CMYA5: variants seen among roughly 807,000 people sequenced by gnomAD.
The protein encoded by CMYA5 is cardiomyopathy-associated protein 5.
CMYA5 carries 246 observed loss-of-function variants against 318.9 expected under a neutral mutation model. The ratio of observed to expected loss-of-function variants is 0.77; its 90% CI spans 0.70 to 0.86. The LOEUF is 0.86. CMYA5 is among the 40% of genes least tolerant of loss of function. The pLI is 0.00. For missense variants in CMYA5, 4,589 were observed against 4,678.2 expected (o/e 0.98, Z 0.56); for synonymous variants, 1,641 against 1,729.5 (o/e 0.95, Z 1.27).
chr5:79,799,321 T>C, intron 12 of CMYA5, 49 bp from the exon 13 acceptor site: 2 of 1,550,758 alleles, frequency 1.3e-6, no homozygotes, highest in Non-Finnish European at 1.7e-6. Flanking sequence ...CCTTTTCAAA[T>C]TCCTTGAGAT....
chr5:79,719,776 T>C (rs1333653660), intron 1 of CMYA5, among the ~76,000 whole-genome samples: 1 of 152,266 alleles, frequency 6.6e-6, no homozygotes, highest in East Asian at 1.9e-4. Context: ...AGGGCATAGC[T>C]GGACTACTAT....
At chr5:79,728,330 T>C (rs565411048) in intron 1 of CMYA5, among the ~76,000 whole-genome samples, 7 of 138,142 alleles carry the variant, frequency 5.1e-5, no homozygotes, top group Admixed American at 2.7e-4. Flanking sequence ...TTTTTTTTTT[T>C]TTCTTCTGTG....
intron 1 of CMYA5, among the ~76,000 whole-genome samples, chr5:79,728,652 G>T (rs1468245167): frequency 6.6e-6 from 1 of 152,130 alleles, no homozygotes; most frequent in East Asian, 1.9e-4. Context: ...ATGAGAGAAG[G>T]TGGTAAATTT....
intron 5 of CMYA5, among the ~76,000 whole-genome samples, chr5:79,749,298 A>G (rs1006843511): frequency 2.1e-4 from 32 of 152,246 alleles, no homozygotes; most frequent in African/African-American, 7.5e-4. Flanking sequence ...GTTCATGTAC[A>G]CGTGCACACA....
intron 1 of CMYA5, among the ~76,000 whole-genome samples, chr5:79,725,914 A>G (rs2151082905): frequency 6.6e-6 from 1 of 152,230 alleles, no homozygotes; most frequent in South Asian, 2.1e-4. Context: ...ATAAAATAAA[A>G]TAATAAATTT....
intron 12 of CMYA5, among the ~76,000 whole-genome samples, chr5:79,794,418 A>T (rs967756228): frequency 6.6e-6 from 1 of 152,234 alleles, no homozygotes; most frequent in Non-Finnish European, 1.5e-5. Flanking sequence ...AGGCAGGTAT[A>T]TTATGATCTG....
Position 79,736,462 on chromosome 5 carries a change from A to G in CMYA5, c.7697A>G (p.Glu2566Gly). Residue 2566 changes from glutamate to glycine, a missense_variant, in exon 2 of 13, where the codon GAG becomes GGG. Coordinates refer to ENST00000446378, the MANE Select transcript of CMYA5 (RefSeq NM_153610.5). ...EHQPYSVNVA[E>G]SMSRESDISL... ...CAGCCTTATTCTGTGAATGTAGCCGAGTCTATGAGTAGAGAATCAGATATC... is the reference window on the plus strand; with the variant it reads ...CAGCCTTATTCTGTGAATGTAGCCGGGTCTATGAGTAGAGAATCAGATATC... The G allele has an allele frequency of 6.2e-7, 1 of 1,610,232 alleles. No homozygotes were observed. Among genetic ancestry groups the G allele is most frequent in the Non-Finnish European group, 8.5e-7 (1 of 1,177,994 alleles).
At position 79,799,795 on chromosome 5, in the gene CMYA5, C is replaced by A; in HGVS notation, c.*179C>A. ...ACAAGAAAACCTTGACTTTACAGAGCAGTGTGTGAGTAAACAGAATGAAAA... is the reference window on the plus strand; with the variant it reads ...ACAAGAAAACCTTGACTTTACAGAGAAGTGTGTGAGTAAACAGAATGAAAA... On this transcript the variant is annotated 3_prime_UTR_variant, in exon 13 of 13. Coordinates refer to ENST00000446378, the MANE Select transcript of CMYA5 (RefSeq NM_153610.5). 1 of 679,924 alleles carries A rather than the reference C, an allele frequency of 1.5e-6. No individual in the cohort carries two copies. Among genetic ancestry groups the A allele is most frequent in the Non-Finnish European group, 2.3e-6 (1 of 428,526 alleles). The allele number at this position is 679,924 out of a possible 1,614,324, so 42.1% of individuals were successfully genotyped here.
chr5:79,711,730 C>T (rs565593123), intron 1 of CMYA5, among the ~76,000 whole-genome samples: 5 of 152,166 alleles, frequency 3.3e-5, no homozygotes, highest in East Asian at 3.9e-4. Flanking sequence ...AAGTTAATGG[C>T]GCTAATAAGT....
chr5:79,796,600 C>T (rs62363716), intron 12 of CMYA5, among the ~76,000 whole-genome samples: 11,393 of 152,220 alleles, frequency 0.075, 449 homozygotes, highest in Middle Eastern at 0.11. Flanking sequence ...AGATTTTCAC[C>T]ATGTTACCCA....
In CMYA5 at chr5:79,758,784, A is replaced by G; in HGVS notation, c.11142A>G (p.Glu3714=). ...VPQPPRLEPQ[E]PNSATSTTIA... ...AGCCTCCTAGATTAGAACCTCAGGA[A>G]CCAAATTCTGCCACCAGCACAACAA... Residue 3714 remains glutamate (E), a synonymous_variant, in exon 7 of 13, where the codon GAA becomes GAG. Coordinates refer to ENST00000446378, the MANE Select transcript of CMYA5 (RefSeq NM_153610.5). 1 of 1,605,590 alleles carries G rather than the reference A, an allele frequency of 6.2e-7. No individual in the cohort carries two copies. Among genetic ancestry groups the G allele is most frequent in the Non-Finnish European group, 8.5e-7 (1 of 1,176,160 alleles).
At chr5:79,750,107 C>T (rs1271479040) in intron 5 of CMYA5, among the ~76,000 whole-genome samples, 3 of 151,844 alleles carry the variant, frequency 2.0e-5, no homozygotes, top group Non-Finnish European at 4.4e-5. Flanking sequence ...GGATGTGCTC[C>T]CCAGAAACAG....
At chr5:79,798,662 G>C (rs1829318221) in intron 12 of CMYA5, among the ~76,000 whole-genome samples, 1 of 152,198 alleles carries the variant, frequency 6.6e-6, no homozygotes, top group Non-Finnish European at 1.5e-5. Flanking sequence ...GGATCCCAGA[G>C]GGCAAGGACA....
At position 79,729,521 on chromosome 5, in the gene CMYA5, T is replaced by C. The variant is rs752531543; in HGVS notation, c.756T>C (p.Tyr252=). Residue 252 remains tyrosine (Y), a synonymous_variant, in exon 2 of 13, where the codon TAT becomes TAC. Coordinates refer to ENST00000446378, the MANE Select transcript of CMYA5 (RefSeq NM_153610.5). ...LQFYGTLPKG[Y]VIKEIHYRKG... ...TTTATGGAACATTGCCAAAGGGTTA[T>C]GTAATTAAAGAAATACATTATAGGA... 14 of 1,612,190 alleles carry C rather than the reference T, an allele frequency of 8.7e-6. No homozygotes were observed. In the African/African-American group the frequency reaches 1.9e-4, roughly 22 times the overall value.
intron 9 of CMYA5, among the ~76,000 whole-genome samples, chr5:79,778,476 T>C (rs568696977): frequency 6.6e-6 from 1 of 152,208 alleles, no homozygotes; most frequent in African/African-American, 2.4e-5. Flanking sequence ...TGAAATCTTA[T>C]TTTAGTTTAA....
chr5:79,791,828 A>G (rs942322493), intron 11 of CMYA5, among the ~76,000 whole-genome samples: 3 of 152,186 alleles, frequency 2.0e-5, no homozygotes, highest in Non-Finnish European at 2.9e-5. Context: ...CATCAAAGAA[A>G]AGAAGAGGCA....
intron 5 of CMYA5, among the ~76,000 whole-genome samples, chr5:79,749,501 A>C (rs930153122): frequency 6.6e-6 from 1 of 152,180 alleles, no homozygotes; most frequent in Non-Finnish European, 1.5e-5. Flanking sequence ...TATATTGGAA[A>C]ATTTTTTTGA....
rs1467368109 is a variant in CMYA5 at position 79,799,658 on chromosome 5, T to G, written c.*42T>G. On this transcript the variant is annotated 3_prime_UTR_variant, in exon 13 of 13. Coordinates refer to ENST00000446378, the MANE Select transcript of CMYA5 (RefSeq NM_153610.5). ...TTTGCAAGAACAGCGATTTGAATTT[T>G]GGGGGGGTCTGCTGTTCATTCCTTT... 11 of 1,573,854 alleles carry G rather than the reference T, an allele frequency of 7.0e-6. No homozygotes were observed. The highest frequency in any genetic ancestry group is 9.5e-6 in the Non-Finnish European group (11 of 1,155,986).
intron 2 of CMYA5, among the ~76,000 whole-genome samples, chr5:79,742,059 CT>C: frequency 2.8e-5 from 1 of 36,042 alleles, no homozygotes; most frequent in Admixed American, 1.8e-4. Flanking sequence ...TCTTCTTCTT[CT>C]TCTTCTTCTT....
Sources: allele counts gnomAD v4.1 joint callset (sites outside exome capture counted in the v4.1 genomes callset), GRCh38; gene constraint gnomAD v4.1.1; transcripts MANE v1.5; gene names NCBI Gene and HGNC (gene_info 2026-07-23, HGNC 2026-07-21).